Variants in CTNNA3 observed in about 807,000 individuals in gnomAD.
CTNNA3 encodes catenin alpha 3, also known as catenin alpha-3.
CTNNA3 carries 76 observed loss-of-function variants against 95.7 expected under a neutral mutation model. The ratio of observed to expected loss-of-function variants is 0.79; its 90% CI spans 0.66 to 0.96. CTNNA3 has a LOEUF of 0.96. CTNNA3 is among the 40% of genes least tolerant of loss of function. The pLI, the probability that CTNNA3 is intolerant of heterozygous loss-of-function variation, is 0.00. For synonymous variants in CTNNA3, 431 were observed against 374.4 expected, an observed-to-expected ratio of 1.15 and a Z score of -1.74; for missense variants, 1,191 against 1,089.8, an observed-to-expected ratio of 1.09 and a Z score of -1.31.
intron 12 of CTNNA3, among the ~76,000 whole-genome samples, chr10:66,359,395 A>G (rs989428158): frequency 1.3e-5 from 2 of 152,202 alleles, no homozygotes; most frequent in East Asian, 1.9e-4. Flanking sequence ...CTCTCATTTC[A>G]TAATGGTGGA....
At chr10:67,070,539 G>C (rs962703299) in intron 7 of CTNNA3, among the ~76,000 whole-genome samples, 1 of 152,082 alleles carries the variant, frequency 6.6e-6, no homozygotes, top group Non-Finnish European at 1.5e-5. Context: ...ACAAGGTCCG[G>C]AGATCGAGAC....
intron 7 of CTNNA3, among the ~76,000 whole-genome samples, chr10:66,834,708 G>A (rs1407726979): frequency 6.6e-6 from 1 of 152,140 alleles, no homozygotes. Context: ...TAGATTTCCC[G>A]ATTGAGCTCA....
At chr10:66,171,680 A>G (rs1269771441) in intron 13 of CTNNA3, among the ~76,000 whole-genome samples, 1 of 152,172 alleles carries the variant, frequency 6.6e-6, no homozygotes, top group Non-Finnish European at 1.5e-5. Flanking sequence ...AGGCTCATCC[A>G]GGTTTGGACT....
chr10:66,693,699 A>G (rs1239421700), intron 9 of CTNNA3, among the ~76,000 whole-genome samples: 2 of 152,232 alleles, frequency 1.3e-5, no homozygotes, highest in Non-Finnish European at 2.9e-5. Flanking sequence ...AAAATTGACC[A>G]CATAGTTGGA....
chr10:66,618,743 C>T (rs1844626084), intron 10 of CTNNA3, among the ~76,000 whole-genome samples: 1 of 151,882 alleles, frequency 6.6e-6, no homozygotes, highest in South Asian at 2.1e-4. Context: ...TTCTGCACAG[C>T]AAAAGAAACT....
Position 66,942,505 on chromosome 10 carries a change from G to C in CTNNA3, c.1048-166981C>G, listed in dbSNP as rs576927908. ...TTCATAAACATTACTTGAGGAATTA[G>C]TTCCATTATCCTACAAATCTCTCTT... On this transcript the variant is annotated intron_variant, in intron 7 of 17. Transcript: ENST00000433211. Among the ~76,000 whole-genome samples the C allele has an allele frequency of 7.3e-5, 11 of 151,352 alleles. No individual in the cohort carries two copies. The East Asian group carries it at 9.7e-4, about 13-fold the overall frequency.
chr10:65,959,365 C>T (rs565723649), intron 17 of CTNNA3, among the ~76,000 whole-genome samples: 49 of 152,310 alleles, frequency 3.2e-4, no homozygotes, highest in African/African-American at 1.1e-3. Context: ...CCCCTCCCTG[C>T]TTCAGCTAAC....
chr10:66,399,388 AC>A (rs1301092966), intron 11 of CTNNA3, among the ~76,000 whole-genome samples: 1 of 151,898 alleles, frequency 6.6e-6, no homozygotes, highest in African/African-American at 2.4e-5. Context: ...ACAGAAAAAA[AC>A]CACAAGAGAT....
At position 67,133,328 on chromosome 10, in the gene CTNNA3, T is replaced by TATATATATATATATATATATATATATAC. The variant is rs145659453; in HGVS notation, c.1047+46988_1047+46989insGTATATATATATATATATATATATATAT. On this transcript the variant is annotated intron_variant, in intron 7 of 17. Coordinates refer to ENST00000433211, the MANE Select transcript of CTNNA3 (RefSeq NM_013266.4). Reference sequence around the variant, plus strand: ...CCTGATATATATATATATATATTTATACACACACACACACAATGGTAGATA... The same window carrying TATATATATATATATATATATATATATAC: ...CCTGATATATATATATATATATTTATATATATATATATATATATATATATATACACACACACACACACAATGGTAGATA... Among the ~76,000 whole-genome samples, 26 of 105,308 alleles carry TATATATATATATATATATATATATATAC rather than the reference T, an allele frequency of 2.5e-4. 2 individuals are homozygous for TATATATATATATATATATATATATATAC. Among genetic ancestry groups the TATATATATATATATATATATATATATAC allele is most frequent in the Admixed American group, 3.1e-4 (3 of 9,824 alleles). The allele number at this position is 105,308 out of a possible 152,430, so 69.1% of individuals were successfully genotyped here. A position where few individuals can be genotyped will look rare whatever the true frequency, so the allele number is the denominator to read the frequency against.
intron 5 of CTNNA3, among the ~76,000 whole-genome samples, chr10:67,425,600 T>C (rs1003094252): frequency 2.6e-5 from 4 of 152,072 alleles, no homozygotes; most frequent in South Asian, 2.1e-4. Flanking sequence ...CTATCAAATA[T>C]GGTGGCAAGC....
chr10:67,374,390 T>C (rs1843612413), intron 5 of CTNNA3, among the ~76,000 whole-genome samples: 1 of 149,688 alleles, frequency 6.7e-6, no homozygotes, highest in Admixed American at 6.8e-5. Context: ...TTGAAAGGTA[T>C]GTAAGATTTC....
intron 7 of CTNNA3, among the ~76,000 whole-genome samples, chr10:66,902,343 GA>G (rs1845787479): frequency 6.6e-6 from 1 of 152,146 alleles, no homozygotes; most frequent in Admixed American, 6.6e-5. Context: ...TGAGAACAAA[GA>G]CACAATGTAC....
intron 14 of CTNNA3, among the ~76,000 whole-genome samples, chr10:66,083,969 C>T (rs2080869598): frequency 6.6e-6 from 1 of 151,686 alleles, no homozygotes; most frequent in African/African-American, 2.4e-5. Flanking sequence ...AACCCCATCT[C>T]TACTAAAAAT....
At chr10:66,388,314 T>C (rs1409252692) in intron 11 of CTNNA3, among the ~76,000 whole-genome samples, 1 of 152,148 alleles carries the variant, frequency 6.6e-6, no homozygotes, top group Non-Finnish European at 1.5e-5. Context: ...TATAATACAC[T>C]ATGTAATTTC....
At chr10:66,154,447 T>A (rs1288284449) in intron 13 of CTNNA3, among the ~76,000 whole-genome samples, 1 of 151,516 alleles carries the variant, frequency 6.6e-6, no homozygotes, top group Non-Finnish European at 1.5e-5. Flanking sequence ...CCTACAAATA[T>A]ATCTTCTGCT....
At chr10:66,831,743 G>A (rs376321993) in intron 7 of CTNNA3, among the ~76,000 whole-genome samples, 27 of 150,772 alleles carry the variant, frequency 1.8e-4, no homozygotes, top group African/African-American at 5.8e-4. Flanking sequence ...AGAGAGGAAA[G>A]GGAAAGAGGG....
At chr10:66,720,849 A>G (rs1030144968) in intron 9 of CTNNA3, among the ~76,000 whole-genome samples, 8 of 152,106 alleles carry the variant, frequency 5.3e-5, no homozygotes, top group African/African-American at 1.7e-4. Context: ...AGAAAAGAAA[A>G]GAAAAGAAAA....
intron 15 of CTNNA3, among the ~76,000 whole-genome samples, chr10:66,025,747 T>C (rs1466270914): frequency 6.6e-6 from 1 of 152,178 alleles, no homozygotes; most frequent in Non-Finnish European, 1.5e-5. Flanking sequence ...CAATGAGATA[T>C]ATCAAGCCCT....
chr10:67,076,567 T>G (rs1201096213), intron 7 of CTNNA3, among the ~76,000 whole-genome samples: 1 of 152,200 alleles, frequency 6.6e-6, no homozygotes, highest in Non-Finnish European at 1.5e-5. Context: ...AGCCTGACTT[T>G]TAAAATCTAA....
Sources: gnomAD v4.1 joint callset for allele counts (sites outside exome capture counted in the v4.1 genomes callset) on GRCh38, gnomAD v4.1.1 for gene constraint, MANE v1.5 for transcripts, NCBI Gene and HGNC (gene_info 2026-07-23, HGNC 2026-07-21) for gene names.